The following HIBCH variants were observed in gnomAD, a reference collection of about 807,000 sequenced individuals.
The protein encoded by HIBCH is 3-hydroxyisobutyryl-CoA hydrolase, mitochondrial.
Under a neutral mutation model 58.2 loss-of-function variants are expected in HIBCH, and 50 were observed. That is an observed-to-expected ratio of 0.86 (90% CI 0.68 to 1.09). The LOEUF (loss-of-function observed/expected upper bound fraction) is 1.09, where lower values mean the gene tolerates loss of function less well. Among genes scored for constraint, HIBCH ranks in the 50% least tolerant of loss-of-function variants. HIBCH has a pLI of 0.00. For missense variants in HIBCH, 450 were observed against 449.7 expected, an observed-to-expected ratio of 1.00 and a Z score of -0.01; for synonymous variants, 151 against 146.9, an observed-to-expected ratio of 1.03 and a Z score of -0.20.
At chr2:190,299,567 G>A (rs1688204626) in intron 2 of HIBCH, among the ~76,000 whole-genome samples, 1 of 152,048 alleles carries the variant, frequency 6.6e-6, no homozygotes, top group Admixed American at 6.6e-5. Context: ...TACTGGGGAA[G>A]GATAAACTTA....
intron 1 of HIBCH, chr2:190,311,044 G>A: frequency 1.5e-6 from 1 of 653,638 alleles, no homozygotes; most frequent in South Asian, 1.5e-5. Context: ...TTCTTCAATG[G>A]TTGGAAGACA....
chr2:190,282,843 C>CA (rs58381283), intron 6 of HIBCH, among the ~76,000 whole-genome samples: 76 of 140,272 alleles, frequency 5.4e-4, no homozygotes, highest in East Asian at 3.1e-3. Flanking sequence ...ACGAGAAGGC[C>CA]AAAAAAAAAA....
At chr2:190,238,455 G>A (rs1490106811) in intron 11 of HIBCH, among the ~76,000 whole-genome samples, 3 of 151,968 alleles carry the variant, frequency 2.0e-5, no homozygotes, top group African/African-American at 2.4e-5. Context: ...ATGTTTGTTG[G>A]CCGTGTAAAT....
At chr2:190,318,743 G>T (rs1236638905) in intron 1 of HIBCH, among the ~76,000 whole-genome samples, 1 of 152,072 alleles carries the variant, frequency 6.6e-6, no homozygotes, top group Non-Finnish European at 1.5e-5. Context: ...TAACGATTAC[G>T]TGTACTGATT....
At chr2:190,199,815 G>C, downstream of HIBCH, 1 of 1,595,126 alleles carries the variant, frequency 6.3e-7, no homozygotes, top group African/African-American at 1.3e-5. Context: ...AGATGGCCTG[G>C]AAGTAGTCTT....
intron 2 of HIBCH, among the ~76,000 whole-genome samples, chr2:190,303,831 G>A (rs999473489): frequency 2.0e-5 from 3 of 152,124 alleles, no homozygotes; most frequent in Non-Finnish European, 4.4e-5. Context: ...ATGATGTCAT[G>A]TAGATACCAT....
At chr2:190,242,405 T>C (rs1014105402) in intron 11 of HIBCH, among the ~76,000 whole-genome samples, 3 of 152,098 alleles carry the variant, frequency 2.0e-5, no homozygotes, top group Admixed American at 2.0e-4. Flanking sequence ...TTACCCACCT[T>C]ATGAAGCCTA....
downstream of HIBCH, chr2:190,199,721 T>G: frequency 1.4e-6 from 2 of 1,478,582 alleles, no homozygotes; most frequent in South Asian, 1.4e-5. Context: ...TGAAGAGTGG[T>G]GAAAGGGAAC....
intron 6 of HIBCH, among the ~76,000 whole-genome samples, chr2:190,265,534 A>C (rs1265223532): frequency 6.6e-6 from 1 of 151,446 alleles, no homozygotes; most frequent in Non-Finnish European, 1.5e-5. Context: ...TCAGCTGTAT[A>C]CCAAATATGT....
At chr2:190,256,956 G>A (rs1209777715) in intron 7 of HIBCH, among the ~76,000 whole-genome samples, 1 of 152,174 alleles carries the variant, frequency 6.6e-6, no homozygotes, top group East Asian at 1.9e-4. Flanking sequence ...TGTTTTTAAT[G>A]AATGAAGCAT....
chr2:190,282,242 T>G (rs924136233), intron 6 of HIBCH, among the ~76,000 whole-genome samples: 1 of 152,196 alleles, frequency 6.6e-6, no homozygotes, highest in Non-Finnish European at 1.5e-5. Flanking sequence ...GTCCATTTTG[T>G]GCTACTGTAA....
chr2:190,247,002 C>CTT lies in HIBCH; in HGVS notation c.751-792_751-791dup, dbSNP rs78433117. Among the ~76,000 whole-genome samples the CTT allele has an allele frequency of 6.7e-3, 961 of 142,818 alleles. 13 individuals are homozygous for CTT. Among genetic ancestry groups the CTT allele is most frequent in the African/African-American group, 0.023 (912 of 39,190 alleles). 93.7% of individuals were successfully genotyped at this position (142,818 alleles called of 152,430 possible). ...CACACTAAGCTCCAATTAAATAAGA[C>CTT]TTTTTTTTTTTTTTAAACCTGTGCC... On this transcript the variant is annotated intron_variant, in intron 9 of 13. Coordinates refer to ENST00000359678, the MANE Select transcript of HIBCH (RefSeq NM_014362.4).
At chr2:190,248,754 G>A (rs1379474566) in intron 9 of HIBCH, among the ~76,000 whole-genome samples, 2 of 151,890 alleles carry the variant, frequency 1.3e-5, no homozygotes, top group African/African-American at 2.4e-5. Context: ...CCAGCTACTC[G>A]GGAGGCTGAG....
At chr2:190,311,212 A>C (rs1688550536) in intron 1 of HIBCH, among the ~76,000 whole-genome samples, 1 of 152,216 alleles carries the variant, frequency 6.6e-6, no homozygotes, top group Non-Finnish European at 1.5e-5. Context: ...TTTCAACTGT[A>C]TGATATTCTG....
At chr2:190,219,795 A>G (rs889585638) in intron 11 of HIBCH, among the ~76,000 whole-genome samples, 1 of 152,178 alleles carries the variant, frequency 6.6e-6, no homozygotes, top group Non-Finnish European at 1.5e-5. Context: ...CAGACACTCA[A>G]TCTTGCAAGA....
chr2:190,314,678 C>T (rs112881665), intron 1 of HIBCH, among the ~76,000 whole-genome samples: 418 of 152,140 alleles, frequency 2.7e-3, no homozygotes, highest in African/African-American at 9.7e-3. Flanking sequence ...GAGGTTTCTC[C>T]ATGTTGGCCA....
intron 6 of HIBCH, among the ~76,000 whole-genome samples, chr2:190,262,577 T>C (rs529241188): frequency 4.3e-4 from 66 of 152,338 alleles, no homozygotes; most frequent in African/African-American, 1.4e-3. Flanking sequence ...TGTCCCTGAC[T>C]AGTCATTCCC....
intron 2 of HIBCH, among the ~76,000 whole-genome samples, chr2:190,297,357 G>T (rs567512911): frequency 6.6e-6 from 1 of 152,198 alleles, no homozygotes; most frequent in African/African-American, 2.4e-5. Flanking sequence ...AAACAAAGAT[G>T]ATACTTGAGT....
intron 4 of HIBCH, among the ~76,000 whole-genome samples, chr2:190,292,677 T>TAAAC (rs372413979): frequency 3.9e-5 from 6 of 152,264 alleles, no homozygotes; most frequent in South Asian, 2.1e-4. Flanking sequence ...CACTTATACC[T>TAAAC]AAACAAACAA....
Sources: allele counts gnomAD v4.1 joint callset (sites outside exome capture counted in the v4.1 genomes callset), GRCh38; gene constraint gnomAD v4.1.1; transcripts MANE v1.5; gene names NCBI Gene and HGNC (gene_info 2026-07-23, HGNC 2026-07-21).